ACAD11: variants seen among roughly 807,000 people sequenced by gnomAD.
The protein encoded by ACAD11 is acyl-Coenzyme A dehydrogenase family, member 11.
A neutral mutation model predicts 102.2 loss-of-function variants in ACAD11; 83 were observed. The observed-to-expected ratio is 0.81, with a 90% CI of 0.68 to 0.97. The LOEUF (loss-of-function observed/expected upper bound fraction) is 0.97, where lower values mean the gene tolerates loss of function less well. Ranked by LOEUF, ACAD11 falls within the 50% of genes least tolerant of loss-of-function variation. The pLI is 0.00. For synonymous variants in ACAD11, 324 were observed against 319.8 expected (o/e 1.01, Z -0.14); for missense variants, 901 against 951.7 (o/e 0.95, Z 0.70).
chr3:132,563,116 T>C (rs1937111019), intron 17 of ACAD11, among the ~76,000 whole-genome samples: 1 of 152,212 alleles, frequency 6.6e-6, no homozygotes, highest in African/African-American at 2.4e-5. Context: ...TGCACCTATG[T>C]AAAAAATTAA....
At chr3:132,610,823 A>C (rs1269794326) in intron 11 of ACAD11, among the ~76,000 whole-genome samples, 4 of 152,206 alleles carry the variant, frequency 2.6e-5, no homozygotes, top group African/African-American at 7.2e-5. Context: ...ATTCCTTCTG[A>C]AACTATTCCT....
intron 13 of ACAD11, among the ~76,000 whole-genome samples, chr3:132,593,077 A>G (rs1938148126): frequency 6.6e-6 from 1 of 152,040 alleles, no homozygotes; most frequent in South Asian, 2.1e-4. Flanking sequence ...AAGAAAAATA[A>G]TATAATATTT....
At chr3:132,632,786 T>C (rs1940102074) in intron 5 of ACAD11, among the ~76,000 whole-genome samples, 1 of 152,218 alleles carries the variant, frequency 6.6e-6, no homozygotes, top group Non-Finnish European at 1.5e-5. Flanking sequence ...CTTGAAGAGA[T>C]CCTTCACATC....
At chr3:132,570,819 T>C (rs1937353706) in intron 17 of ACAD11, among the ~76,000 whole-genome samples, 3 of 152,194 alleles carry the variant, frequency 2.0e-5, no homozygotes, top group Admixed American at 2.0e-4. Flanking sequence ...GCTCTATCCA[T>C]GTTCCCACAA....
intron 8 of ACAD11, 71 bp downstream of exon 8, chr3:132,628,269 T>G: frequency 9.5e-7 from 1 of 1,047,466 alleles, no homozygotes; most frequent in East Asian, 2.5e-5. Flanking sequence ...CCTACTCCCC[T>G]AAAGTGTATA....
chr3:132,649,605 C>T (rs893259850), intron 1 of ACAD11, among the ~76,000 whole-genome samples: 1 of 152,222 alleles, frequency 6.6e-6, no homozygotes, highest in African/African-American at 2.4e-5. Context: ...ACAGTGAAAA[C>T]AGTAATTAAT....
intron 5 of ACAD11, among the ~76,000 whole-genome samples, chr3:132,636,080 C>G (rs542939067): frequency 6.6e-6 from 1 of 152,116 alleles, no homozygotes; most frequent in East Asian, 1.9e-4. Flanking sequence ...ATATCTGAAC[C>G]ATTTTTGGGG....
intron 1 of ACAD11, chr3:132,647,497 A>G (rs533336920): frequency 2.0e-5 from 3 of 152,204 alleles, no homozygotes; most frequent in Non-Finnish European, 4.4e-5. Context: ...TTAAACAGAC[A>G]ATCTCACGAG....
chr3:132,638,907 C>A (rs1940375522), intron 5 of ACAD11, among the ~76,000 whole-genome samples: 1 of 152,130 alleles, frequency 6.6e-6, no homozygotes, highest in Non-Finnish European at 1.5e-5. Flanking sequence ...AGGATTCATT[C>A]CTACTATACT....
chr3:132,642,705 G>A lies in ACAD11; in HGVS notation c.347C>T (p.Thr116Ile). Residue 116 changes from threonine (T) to isoleucine (I), a missense_variant, in exon 3 of 20, where the codon ACA (threonine) becomes ATA (isoleucine). Physicochemically the swap from Thr to Ile is moderately conservative, Grantham distance 89. Transcript: ENST00000264990. ...LYCSDTSVIG[T>I]EFYVMEHVQG... ...CACATGTTCCATTACGTAAAATTCTGTTCCAATGACAGAAGTATCACTGCA... is the reference window on the plus strand; with the variant it reads ...CACATGTTCCATTACGTAAAATTCTATTCCAATGACAGAAGTATCACTGCA... 1 of 1,610,682 alleles carries A rather than the reference G, an allele frequency of 6.2e-7. No individual in the cohort carries two copies. The highest frequency in any genetic ancestry group is 2.2e-5 in the East Asian group (1 of 44,738).
intron 4 of ACAD11, among the ~76,000 whole-genome samples, chr3:132,640,870 C>T (rs1426360404): frequency 3.3e-5 from 5 of 152,106 alleles, no homozygotes; most frequent in African/African-American, 1.2e-4. Context: ...GATATGCTTA[C>T]AAAGGAAAGC....
chr3:132,620,387 T>C (rs1226075245), intron 9 of ACAD11: 2 of 152,330 alleles, frequency 1.3e-5, no homozygotes, highest in East Asian at 3.9e-4. Flanking sequence ...ACCTGGCAGA[T>C]GCGAAAACAA....
In ACAD11 at chr3:132,603,267, T is replaced by C. The variant is rs1392378356; in HGVS notation, c.1583A>G (p.Asp528Gly). The C allele has an allele frequency of 6.2e-7, 1 of 1,614,144 alleles. No individual in the cohort carries two copies. Among genetic ancestry groups the C allele is most frequent in the Admixed American group, 1.7e-5 (1 of 60,030 alleles). Residue 528 changes from aspartate (D) to glycine (G), a missense_variant, in exon 13 of 20, where the codon GAT becomes GGT. Coordinates refer to ENST00000264990, the MANE Select transcript of ACAD11 (RefSeq NM_032169.5). ...TTTTTTGCCGTTAATTACATAGCTA[T>C]CTTCATCTCGTTGGATGCTGCATTC... ...NIECSIQRDE[D>G]SYVINGKKWW... is the part of the protein sequence containing the mutation.
At chr3:132,623,604 T>C (rs1939688220) in intron 9 of ACAD11, among the ~76,000 whole-genome samples, 2 of 152,196 alleles carry the variant, frequency 1.3e-5, no homozygotes, top group Non-Finnish European at 2.9e-5. Context: ...AGACAAATGA[T>C]TGTGGCTTTT....
At chr3:132,590,912 T>C (rs1938046747) in intron 13 of ACAD11, among the ~76,000 whole-genome samples, 1 of 152,242 alleles carries the variant, frequency 6.6e-6, no homozygotes, top group Non-Finnish European at 1.5e-5. Context: ...TGGACCTTTG[T>C]CAGATACATA....
At chr3:132,645,723 A>T (rs1940691413) in intron 1 of ACAD11, 1 of 152,260 alleles carries the variant, frequency 6.6e-6, no homozygotes, top group Non-Finnish European at 1.5e-5. Flanking sequence ...CTCCATCAGG[A>T]AAAAACAAGC....
chr3:132,571,290 A>T (rs1447145998), intron 17 of ACAD11, among the ~76,000 whole-genome samples: 1 of 145,918 alleles, frequency 6.9e-6, no homozygotes, highest in African/African-American at 2.5e-5. Flanking sequence ...TGTTGGCCAC[A>T]TGTCTGTCTT....
At chr3:132,623,884 G>A (rs1008403826) in intron 9 of ACAD11, among the ~76,000 whole-genome samples, 1 of 152,104 alleles carries the variant, frequency 6.6e-6, no homozygotes, top group Non-Finnish European at 1.5e-5. Context: ...TGGGCTGATT[G>A]CAAGTACTAG....
chr3:132,564,007 A>G (rs1406663070), intron 17 of ACAD11, among the ~76,000 whole-genome samples: 1 of 152,220 alleles, frequency 6.6e-6, no homozygotes, highest in African/African-American at 2.4e-5. Context: ...TCAAATGCCA[A>G]AGCATCAATT....
Sources: gnomAD v4.1 joint callset for allele counts (sites outside exome capture counted in the v4.1 genomes callset) on GRCh38, gnomAD v4.1.1 for gene constraint, MANE v1.5 for transcripts, NCBI Gene and HGNC (gene_info 2026-07-23, HGNC 2026-07-21) for gene names.